MECOM: variants seen among roughly 807,000 people sequenced by gnomAD.
The protein encoded by MECOM is MDS1 and EVI1 complex locus.
In MECOM, 13 loss-of-function variants were observed where a neutral mutation model predicts 116.3. That is an observed-to-expected ratio of 0.11 (90% CI 0.07 to 0.18). The LOEUF (loss-of-function observed/expected upper bound fraction) is 0.18. MECOM is among the 10% of genes least tolerant of loss of function. The pLI is 1.00. For missense variants in MECOM, 1,299 were observed against 1,509.0 expected, an observed-to-expected ratio of 0.86 and a Z score of 2.31; for synonymous variants, 528 against 535.2, an observed-to-expected ratio of 0.99 and a Z score of 0.19.
intron 2 of MECOM, among the ~76,000 whole-genome samples, chr3:169,149,077 CTTTTTTT>C (rs60870748): frequency 8.7e-6 from 1 of 115,118 alleles, no homozygotes; most frequent in Admixed American, 8.5e-5. Context: ...TCGGAGCTTT[CTTTTTTT>C]TTTTTTTTTT....
intron 13 of MECOM, 131 bp from the exon 14 acceptor site, chr3:169,093,233 CT>C: frequency 1.0e-6 from 1 of 952,468 alleles, no homozygotes; most frequent in Non-Finnish European, 1.5e-6. Flanking sequence ...ATAATAATAA[CT>C]TTAGAAAGTC....
intron 1 of MECOM, among the ~76,000 whole-genome samples, chr3:169,562,003 C>T (rs1007637354): frequency 2.6e-5 from 4 of 151,050 alleles, no homozygotes; most frequent in Admixed American, 6.6e-5. Context: ...AAAATTAGCC[C>T]GGCATGGTGG....
At chr3:169,172,703 A>AG (rs1744618547) in intron 2 of MECOM, among the ~76,000 whole-genome samples, 1 of 152,186 alleles carries the variant, frequency 6.6e-6, no homozygotes, top group Non-Finnish European at 1.5e-5. Context: ...AAGGACAATT[A>AG]GTCATGTTTG....
At chr3:169,533,765 C>A (rs1258655476) in intron 1 of MECOM, among the ~76,000 whole-genome samples, 1 of 152,028 alleles carries the variant, frequency 6.6e-6, no homozygotes, top group African/African-American at 2.4e-5. Flanking sequence ...GGTCACCTCC[C>A]TTTCCAACCT....
intron 1 of MECOM, among the ~76,000 whole-genome samples, chr3:169,631,428 G>A (rs1168473175): frequency 6.6e-6 from 1 of 152,142 alleles, no homozygotes; most frequent in Non-Finnish European, 1.5e-5. Flanking sequence ...CTGTCTTTCT[G>A]TTGACTAGAG....
chr3:169,565,275 G>T (rs1172411531), intron 1 of MECOM, among the ~76,000 whole-genome samples: 1 of 152,164 alleles, frequency 6.6e-6, no homozygotes, highest in African/African-American at 2.4e-5. Flanking sequence ...TGACTGTAAG[G>T]CCTATCTACT....
chr3:169,239,773 T>C (rs1754553247), intron 2 of MECOM, among the ~76,000 whole-genome samples: 1 of 152,126 alleles, frequency 6.6e-6, no homozygotes, highest in African/African-American at 2.4e-5. Context: ...AGGAAATTAG[T>C]AACAGAAACA....
At chr3:169,562,762 A>G (rs568127197) in intron 1 of MECOM, among the ~76,000 whole-genome samples, 1 of 152,230 alleles carries the variant, frequency 6.6e-6, no homozygotes, top group South Asian at 2.1e-4. Context: ...TGCTTATCAC[A>G]TAGAAATGCT....
At chr3:169,585,618 T>C (rs751931141) in intron 1 of MECOM, among the ~76,000 whole-genome samples, 2 of 152,214 alleles carry the variant, frequency 1.3e-5, no homozygotes, top group Non-Finnish European at 1.5e-5. Flanking sequence ...TACCTGTCCA[T>C]GCCCTGTCAG....
intron 5 of MECOM, among the ~76,000 whole-genome samples, chr3:169,122,942 G>A (rs1449119286): frequency 6.6e-6 from 1 of 152,034 alleles, no homozygotes; most frequent in Non-Finnish European, 1.5e-5. Context: ...ATGAAGATGT[G>A]TTCTTGTTGT....
At chr3:169,368,602 G>A (rs1178508105) in intron 2 of MECOM, among the ~76,000 whole-genome samples, 1 of 151,948 alleles carries the variant, frequency 6.6e-6, no homozygotes, top group Non-Finnish European at 1.5e-5. Flanking sequence ...TTCTAAGATA[G>A]ATTTGAATTG....
At chr3:169,375,334 C>A (rs927798430) in intron 2 of MECOM, among the ~76,000 whole-genome samples, 9 of 151,672 alleles carry the variant, frequency 5.9e-5, no homozygotes, top group Admixed American at 3.9e-4. Context: ...CAGAGCACAA[C>A]TGAAGAAGAT....
At chr3:169,104,971 G>A (rs1416717569) in intron 10 of MECOM, among the ~76,000 whole-genome samples, 1 of 152,178 alleles carries the variant, frequency 6.6e-6, no homozygotes, top group East Asian at 1.9e-4. Context: ...TTACGCAAGT[G>A]TCTTACAAGC....
At chr3:169,407,359 A>G (rs944554286) in intron 1 of MECOM, among the ~76,000 whole-genome samples, 2 of 152,212 alleles carry the variant, frequency 1.3e-5, no homozygotes, top group Non-Finnish European at 2.9e-5. Flanking sequence ...ATTTACACAC[A>G]TATTATATCA....
rs923420392 is a variant in MECOM, at chr3:169,253,921, A to G, written c.376-110089T>C. 3.3e-5 allele frequency among the ~76,000 whole-genome samples: 5 copies of G among 152,284 alleles called. No homozygotes were observed. The South Asian group carries it at 1.0e-3, about 32-fold the overall frequency. ...ATTAGATTAAATTGAATTGAATCCA[A>G]TAGCATAATTGATGACTCATATCAT... On this transcript the variant is annotated intron_variant, in intron 2 of 16. Coordinates refer to ENST00000651503, the MANE Select transcript of MECOM (RefSeq NM_004991.4).
At chr3:169,353,987 A>G (rs1241179757) in intron 2 of MECOM, among the ~76,000 whole-genome samples, 3 of 151,876 alleles carry the variant, frequency 2.0e-5, no homozygotes, top group Admixed American at 2.0e-4. Context: ...CAGTCCCTCC[A>G]TAGCTAACCA....
Position 169,208,884 on chromosome 3 carries a change from A to G in MECOM, c.376-65052T>C, listed in dbSNP as rs897887552. Reference sequence around the variant, plus strand: ...CCAAAAAAGAGCCTGTATAGCCAAGACAATCGTAAGCAAAAAAAAAAAAAC... The same window carrying G: ...CCAAAAAAGAGCCTGTATAGCCAAGGCAATCGTAAGCAAAAAAAAAAAAAC... On this transcript the variant is annotated intron_variant, in intron 2 of 16. Coordinates refer to ENST00000651503, the MANE Select transcript of MECOM (RefSeq NM_004991.4). 2.1e-5 allele frequency among the ~76,000 whole-genome samples: 3 copies of G among 145,834 alleles called. No individual in the cohort carries two copies. The East Asian group carries it at 6.1e-4, about 30-fold the overall frequency.
intron 1 of MECOM, among the ~76,000 whole-genome samples, chr3:169,644,258 T>G (rs1334402786): frequency 6.6e-6 from 1 of 151,516 alleles, no homozygotes; most frequent in African/African-American, 2.4e-5. Flanking sequence ...ATTTATTTAT[T>G]TATTTATTTA....
chr3:169,644,090 AT>A (rs1773840378), intron 1 of MECOM, among the ~76,000 whole-genome samples: 1 of 152,152 alleles, frequency 6.6e-6, no homozygotes, highest in Admixed American at 6.5e-5. Context: ...ATCATATAGT[AT>A]GCTACAAAAC....
Sources: gnomAD v4.1 joint callset for allele counts (sites outside exome capture counted in the v4.1 genomes callset) on GRCh38, gnomAD v4.1.1 for gene constraint, MANE v1.5 for transcripts, NCBI Gene and HGNC (gene_info 2026-07-23, HGNC 2026-07-21) for gene names.